The following GABBR2 variants were observed in gnomAD, a reference collection of about 807,000 sequenced individuals.
GABBR2 encodes the protein gamma-aminobutyric acid type B receptor subunit 2.
In GABBR2, 23 loss-of-function variants were observed where a neutral mutation model predicts 105.6. That is an observed-to-expected ratio of 0.22 (90% CI 0.16 to 0.31). The LOEUF is 0.31. GABBR2 is among the 10% of genes least tolerant of loss of function. GABBR2 has a pLI of 1.00. For synonymous variants in GABBR2, 478 were observed against 499.7 expected, an observed-to-expected ratio of 0.96 and a Z score of 0.58; for missense variants, 734 against 1,245.5, an observed-to-expected ratio of 0.59 and a Z score of 6.18.
intron 12 of GABBR2, among the ~76,000 whole-genome samples, chr9:98,363,991 G>A (rs777457913): frequency 1.8e-4 from 27 of 152,160 alleles, no homozygotes; most frequent in Admixed American, 6.5e-4. Context: ...AATATCACCA[G>A]GTTTGGTTTT....
chr9:98,368,222 G>T (rs1379715010), intron 12 of GABBR2, among the ~76,000 whole-genome samples: 1 of 148,114 alleles, frequency 6.8e-6, no homozygotes, highest in African/African-American at 2.5e-5. Flanking sequence ...CCTCATACCC[G>T]TTAAGGGACT....
At chr9:98,553,668 C>T (rs1828531800) in intron 2 of GABBR2, among the ~76,000 whole-genome samples, 2 of 152,184 alleles carry the variant, frequency 1.3e-5, no homozygotes, top group African/African-American at 4.8e-5. Context: ...AAATAATGAG[C>T]ACGTACCGTG....
At chr9:98,521,496 A>C (rs1290211337) in intron 3 of GABBR2, among the ~76,000 whole-genome samples, 1 of 152,216 alleles carries the variant, frequency 6.6e-6, no homozygotes, top group East Asian at 1.9e-4. Context: ...TCTACGAACA[A>C]GCAAAGCCTA....
At chr9:98,554,849 TA>T (rs1828558634) in intron 2 of GABBR2, among the ~76,000 whole-genome samples, 1 of 151,912 alleles carries the variant, frequency 6.6e-6, no homozygotes, top group Non-Finnish European at 1.5e-5. Flanking sequence ...AAAATGGGAG[TA>T]AATTAGAGAA....
intron 9 of GABBR2, among the ~76,000 whole-genome samples, chr9:98,392,631 C>A (rs116933352): frequency 0.02 from 3,032 of 152,242 alleles, 38 homozygotes; most frequent in Middle Eastern, 0.082. Flanking sequence ...AAAGGGCCTG[C>A]GGAAGAGCCT....
At chr9:98,327,611 G>A (rs537259104) in intron 13 of GABBR2, among the ~76,000 whole-genome samples, 2 of 152,048 alleles carry the variant, frequency 1.3e-5, no homozygotes, top group South Asian at 2.1e-4. Context: ...GCTGATGTCT[G>A]TAATCCCAGC....
At chr9:98,458,564 G>A (rs561420909) in intron 6 of GABBR2, among the ~76,000 whole-genome samples, 24 of 152,244 alleles carry the variant, frequency 1.6e-4, no homozygotes, top group South Asian at 1.5e-3. Context: ...AGTTAGCTGC[G>A]CGTGGTGGCA....
At chr9:98,466,098 G>C (rs1025073803) in intron 6 of GABBR2, among the ~76,000 whole-genome samples, 3 of 152,164 alleles carry the variant, frequency 2.0e-5, no homozygotes, top group African/African-American at 7.2e-5. Context: ...CTTCTGCCAT[G>C]ATTCTAAGTT....
intron 2 of GABBR2, among the ~76,000 whole-genome samples, chr9:98,558,414 C>A (rs1222244673): frequency 6.6e-6 from 1 of 152,132 alleles, no homozygotes; most frequent in Non-Finnish European, 1.5e-5. Flanking sequence ...TTAGTTATGT[C>A]TACAATTAGC....
intron 2 of GABBR2, among the ~76,000 whole-genome samples, chr9:98,550,240 G>C (rs7048105): frequency 6.6e-6 from 1 of 152,212 alleles, no homozygotes; most frequent in African/African-American, 2.4e-5. Context: ...CCGAGGCTTA[G>C]AGGTTAAAAA....
intron 11 of GABBR2, among the ~76,000 whole-genome samples, chr9:98,377,343 T>G (rs1314714019): frequency 6.6e-6 from 1 of 152,148 alleles, no homozygotes; most frequent in African/African-American, 2.4e-5. Flanking sequence ...GGCCACACCA[T>G]GTGATTGCAG....
At chr9:98,361,329 G>A (rs62574358) in intron 13 of GABBR2, among the ~76,000 whole-genome samples, 7,258 of 152,220 alleles carry the variant, frequency 0.048, 241 homozygotes, top group Middle Eastern at 0.12. Context: ...ATTGCTGTGA[G>A]GATTAAATGA....
Position 98,696,224 on chromosome 9 carries a change from C to T in GABBR2, c.321+12193G>A, listed in dbSNP as rs541725588. Among the ~76,000 whole-genome samples, 22 of 152,340 alleles carry T rather than the reference C, an allele frequency of 1.4e-4. No homozygotes were observed. In the South Asian group the frequency reaches 4.6e-3, roughly 32 times the overall value. ...AAAAGATGAAGAAAGGTGGCAAGAA[C>T]ATTCCAGGCCACAGTAACAGCTTGT... On this transcript the variant is annotated intron_variant, in intron 1 of 18. Coordinates refer to ENST00000259455, the MANE Select transcript of GABBR2 (RefSeq NM_005458.8).
intron 3 of GABBR2, among the ~76,000 whole-genome samples, chr9:98,509,120 T>A (rs921810814): frequency 6.6e-5 from 10 of 152,236 alleles, no homozygotes; most frequent in African/African-American, 1.9e-4. Flanking sequence ...CCAATATCCA[T>A]TGTTCTGCAG....
intron 11 of GABBR2, among the ~76,000 whole-genome samples, chr9:98,379,420 C>T (rs1228092192): frequency 6.6e-6 from 1 of 152,206 alleles, no homozygotes; most frequent in African/African-American, 2.4e-5. Context: ...AGGCGTCTGC[C>T]ACCATGCCTG....
At chr9:98,295,106 C>T (rs768804160) in intron 17 of GABBR2, among the ~76,000 whole-genome samples, 9 of 152,128 alleles carry the variant, frequency 5.9e-5, no homozygotes, top group African/African-American at 2.2e-4. Flanking sequence ...TTTGTATTTG[C>T]GAACTCTTCT....
chr9:98,428,921 C>G (rs144543965), intron 7 of GABBR2, among the ~76,000 whole-genome samples: 10 of 152,298 alleles, frequency 6.6e-5, no homozygotes, highest in Middle Eastern at 3.4e-3. Flanking sequence ...GTACAGTTTC[C>G]TATCACTTGC....
In GABBR2 at chr9:98,306,665, C is replaced by T; in HGVS notation, c.2005-320G>A. 1 of 403,686 alleles carries T rather than the reference C, an allele frequency of 2.5e-6. No individual in the cohort carries two copies. Among genetic ancestry groups the T allele is most frequent in the Non-Finnish European group, 4.6e-6 (1 of 216,842 alleles). The allele number at this position is 403,686 out of a possible 1,614,324, so 25.0% of individuals were successfully genotyped here. On this transcript the variant is annotated intron_variant, in intron 14 of 18. Coordinates refer to ENST00000259455, the MANE Select transcript of GABBR2 (RefSeq NM_005458.8). The surrounding 1 kb of genome is among the most constrained non-coding windows in gnomAD (Gnocchi z 5.4). ...CAGATAAGATCTCAGCTTTCTCCCT[C>T]ACTCTCTAGGGAATACTAATATCCA...
At chr9:98,396,245 T>C (rs1180856794) in intron 8 of GABBR2, among the ~76,000 whole-genome samples, 1 of 152,186 alleles carries the variant, frequency 6.6e-6, no homozygotes, top group African/African-American at 2.4e-5. Flanking sequence ...CTCTGTGAAG[T>C]GCAGGCGGGT....
Sources: gnomAD v4.1 joint callset for allele counts (sites outside exome capture counted in the v4.1 genomes callset) on GRCh38, gnomAD v4.1.1 for gene constraint, Gnocchi (gnomAD v3.1) non-coding constraint, MANE v1.5 for transcripts, NCBI Gene and HGNC (gene_info 2026-07-23, HGNC 2026-07-21) for gene names.